Variants in CSMD1 observed in about 807,000 individuals in gnomAD.
The protein encoded by CSMD1 is CUB and sushi domain-containing protein 1.
Under a neutral mutation model 417.5 loss-of-function variants are expected in CSMD1, and 213 were observed. The observed-to-expected ratio is 0.51, with a 90% CI of 0.46 to 0.57. The LOEUF is 0.57. Among genes scored for constraint, CSMD1 ranks in the 20% least tolerant of loss-of-function variants. The probability of loss-of-function intolerance (pLI) is 0.00; values close to 1 mark genes in which losing one functional copy is unlikely to be tolerated. For missense variants in CSMD1, 6,923 were observed against 4,529.7 expected, an observed-to-expected ratio of 1.53 and a Z score of -15.17; for synonymous variants, 2,862 against 1,736.8, an observed-to-expected ratio of 1.65 and a Z score of -16.11.
chr8:4,815,674 C>A (rs1458803117), intron 1 of CSMD1, among the ~76,000 whole-genome samples: 4 of 95,310 alleles, frequency 4.2e-5, no homozygotes, highest in South Asian at 3.2e-4. Flanking sequence ...CCAGCCTGGG[C>A]AACAAGACCA....
intron 1 of CSMD1, among the ~76,000 whole-genome samples, chr8:4,666,387 C>T (rs552679540): frequency 6.6e-6 from 1 of 152,052 alleles, no homozygotes; most frequent in African/African-American, 2.4e-5. Context: ...AGTGAGTCAA[C>T]ATGATAAGGA....
chr8:3,863,200 C>A (rs1050293941), intron 5 of CSMD1, among the ~76,000 whole-genome samples: 1 of 151,984 alleles, frequency 6.6e-6, no homozygotes, highest in Non-Finnish European at 1.5e-5. Context: ...AGTTTGAGAC[C>A]AGCCTGGCCA....
chr8:3,020,726 C>A (rs1429143443), intron 51 of CSMD1, among the ~76,000 whole-genome samples: 1 of 151,986 alleles, frequency 6.6e-6, no homozygotes, highest in Non-Finnish European at 1.5e-5. Flanking sequence ...ACAGAGACAC[C>A]CAGACTGAGT....
At chr8:4,738,196 C>T (rs1810366057) in intron 1 of CSMD1, among the ~76,000 whole-genome samples, 2 of 152,200 alleles carry the variant, frequency 1.3e-5, no homozygotes, top group Middle Eastern at 3.4e-3. Context: ...TCAAATAGTC[C>T]GTTTTTATTA....
At chr8:4,191,171 T>C (rs1264354177) in intron 3 of CSMD1, among the ~76,000 whole-genome samples, 1 of 152,038 alleles carries the variant, frequency 6.6e-6, no homozygotes, top group East Asian at 1.9e-4. Context: ...CCGAGGCAGG[T>C]GGATCACGAC....
chr8:4,278,068 C>G (rs1050383681), intron 3 of CSMD1, among the ~76,000 whole-genome samples: 2 of 152,144 alleles, frequency 1.3e-5, no homozygotes, highest in Non-Finnish European at 2.9e-5. Flanking sequence ...ACTTTAAATA[C>G]AATAATTAAA....
At chr8:3,768,770 A>G (rs551695534) in intron 5 of CSMD1, among the ~76,000 whole-genome samples, 2 of 152,374 alleles carry the variant, frequency 1.3e-5, no homozygotes, top group South Asian at 4.1e-4. Flanking sequence ...ACACACTCTC[A>G]GAAATCGTAA....
Position 4,947,438 on chromosome 8 carries a change from G to C in CSMD1, c.85+46894C>G, listed in dbSNP as rs543635836. Among the ~76,000 whole-genome samples, 78 of 152,054 alleles carry C rather than the reference G, an allele frequency of 5.1e-4. 2 individuals carry two copies. In the South Asian group the frequency reaches 0.016, roughly 31 times the overall value. On this transcript the variant is annotated intron_variant, in intron 1 of 69. Coordinates refer to ENST00000635120, the MANE Select transcript of CSMD1 (RefSeq NM_033225.6). ...ACCAGTTTTTTTCTCACATAGGTAA[G>C]AAATGTCAATATTTGACTTGTCATC... is the stretch of plus-strand genomic sequence containing the variant.
chr8:3,310,152 A>C (rs892963880), intron 23 of CSMD1, among the ~76,000 whole-genome samples: 1 of 152,366 alleles, frequency 6.6e-6, no homozygotes, highest in East Asian at 1.9e-4. Flanking sequence ...CTCCGGTTTC[A>C]GGGTCATTCA....
intron 2 of CSMD1, among the ~76,000 whole-genome samples, chr8:4,586,035 T>C (rs979774845): frequency 6.6e-6 from 1 of 152,226 alleles, no homozygotes; most frequent in Admixed American, 6.5e-5. Context: ...ATTATGCGCA[T>C]GTAATGGTTG....
At chr8:3,487,777 T>C (rs994689706) in intron 11 of CSMD1, among the ~76,000 whole-genome samples, 2 of 152,136 alleles carry the variant, frequency 1.3e-5, no homozygotes, top group African/African-American at 4.8e-5. Flanking sequence ...CAAATTACAC[T>C]AAGTGCTAAA....
chr8:3,937,122 C>T (rs1471637483), intron 5 of CSMD1, among the ~76,000 whole-genome samples: 2 of 152,138 alleles, frequency 1.3e-5, no homozygotes, highest in South Asian at 2.1e-4. Context: ...GGACGAGGAG[C>T]TGCTTCTTAT....
intron 5 of CSMD1, among the ~76,000 whole-genome samples, chr8:3,956,597 A>C (rs779594867): frequency 6.6e-6 from 1 of 152,240 alleles, no homozygotes; most frequent in East Asian, 1.9e-4. Context: ...TTTTGCATAC[A>C]TAATCATTAA....
At position 3,546,507 on chromosome 8, in the gene CSMD1, G is replaced by A. The variant is rs191089434; in HGVS notation, c.1344+28438C>T. Among the ~76,000 whole-genome samples the A allele has an allele frequency of 4.1e-3, 626 of 151,498 alleles. 5 individuals are homozygous for A. The highest frequency in any genetic ancestry group is 9.7e-3 in the Admixed American group (147 of 15,230). ...GTCAAGATCCTGCCACCGCACTCCA[G>A]CCTGGTGACAGAGTGAGACTCCAAA... is the stretch of plus-strand genomic sequence containing the variant. On this transcript the variant is annotated intron_variant, in intron 10 of 69. Coordinates refer to ENST00000635120, the MANE Select transcript of CSMD1 (RefSeq NM_033225.6).
intron 5 of CSMD1, among the ~76,000 whole-genome samples, chr8:3,945,456 T>C (rs372911027): frequency 1.7e-4 from 26 of 152,254 alleles, no homozygotes; most frequent in African/African-American, 6.0e-4. Context: ...TGCTAATCTT[T>C]TCAATTGTTT....
At chr8:3,502,129 C>A (rs1001584777) in intron 10 of CSMD1, among the ~76,000 whole-genome samples, 2 of 152,108 alleles carry the variant, frequency 1.3e-5, no homozygotes, top group African/African-American at 4.8e-5. Context: ...CTTTGGAAGG[C>A]TGAGGCTGGC....
In CSMD1 at chr8:3,667,876, A is replaced by G. The variant is rs551249525; in HGVS notation, c.1009+40538T>C. Among the ~76,000 whole-genome samples, 130 of 152,282 alleles carry G rather than the reference A, an allele frequency of 8.5e-4. 3 individuals are homozygous for G. The South Asian group carries it at 0.024, about 28-fold the overall frequency. ...TTAATCGTGAAATAGCAGTGAGTAGAAGCAGCCAAGGCCAGATCATCAAAG... is the reference window on the plus strand; with the variant it reads ...TTAATCGTGAAATAGCAGTGAGTAGGAGCAGCCAAGGCCAGATCATCAAAG... On this transcript the variant is annotated intron_variant, in intron 7 of 69. Coordinates refer to ENST00000635120, the MANE Select transcript of CSMD1 (RefSeq NM_033225.6).
chr8:4,843,615 G>C (rs1006638132), intron 1 of CSMD1, among the ~76,000 whole-genome samples: 6 of 152,112 alleles, frequency 3.9e-5, no homozygotes, highest in African/African-American at 1.4e-4. Context: ...CAGGAGTTCT[G>C]TTTTCTATGG....
At chr8:4,848,023 T>C (rs1273280528) in intron 1 of CSMD1, among the ~76,000 whole-genome samples, 1 of 152,144 alleles carries the variant, frequency 6.6e-6, no homozygotes, top group Non-Finnish European at 1.5e-5. Flanking sequence ...TCTTCTTTTG[T>C]CTCTGTAGAT....
Sources: allele counts gnomAD v4.1 joint callset (sites outside exome capture counted in the v4.1 genomes callset), GRCh38; gene constraint gnomAD v4.1.1; transcripts MANE v1.5; gene names NCBI Gene and HGNC (gene_info 2026-07-23, HGNC 2026-07-21).